TENM2: variants seen among roughly 807,000 people sequenced by gnomAD.
TENM2 encodes the protein teneurin transmembrane protein 2.
TENM2 carries 52 observed loss-of-function variants against 245.2 expected under a neutral mutation model. The ratio of observed to expected loss-of-function variants is 0.21; its 90% confidence interval spans 0.17 to 0.27. The LOEUF is 0.27. Among genes scored for constraint, TENM2 ranks in the 10% least tolerant of loss-of-function variants. The pLI is 1.00. For missense variants in TENM2, 3,046 were observed against 3,666.8 expected (o/e 0.83, Z 4.37); for synonymous variants, 1,363 against 1,438.9 (o/e 0.95, Z 1.19).
chr5:168,158,282 A>G (rs931178519), intron 12 of TENM2, among the ~76,000 whole-genome samples: 3 of 152,118 alleles, frequency 2.0e-5, no homozygotes, highest in African/African-American at 7.2e-5. Context: ...GTCCTTAAAA[A>G]TTCTCCCTGG....
At chr5:167,940,135 A>C (rs10475862) in intron 3 of TENM2, among the ~76,000 whole-genome samples, 13,911 of 152,134 alleles carry the variant, frequency 0.091, 1,223 homozygotes, top group African/African-American at 0.23. Flanking sequence ...TTCTTCTTGA[A>C]CTTTGATCAA....
intron 2 of TENM2, among the ~76,000 whole-genome samples, chr5:167,637,257 C>T (rs1038567490): frequency 6.6e-6 from 1 of 152,086 alleles, no homozygotes; most frequent in African/African-American, 2.4e-5. Flanking sequence ...GAATTATTTA[C>T]ATATTAACTT....
intron 2 of TENM2, among the ~76,000 whole-genome samples, chr5:167,729,316 C>T (rs887408627): frequency 4.6e-5 from 7 of 152,310 alleles, no homozygotes; most frequent in African/African-American, 1.7e-4. Flanking sequence ...GTTTTTATCA[C>T]AGAGCTAAAG....
the TENM2 span, among the ~76,000 whole-genome samples, chr5:167,125,650 C>T: frequency 6.6e-6 from 1 of 152,148 alleles, no homozygotes; most frequent in African/African-American, 2.4e-5. Flanking sequence ...ATATTCTATA[C>T]ATAGATATAT....
At chr5:167,421,168 C>A (rs1236026453) in intron 2 of TENM2, among the ~76,000 whole-genome samples, 3 of 152,182 alleles carry the variant, frequency 2.0e-5, no homozygotes, top group East Asian at 1.9e-4. Flanking sequence ...TCATATGGAA[C>A]AAAACCCCCA....
chr5:168,189,794 G>A (rs141648483), intron 13 of TENM2, among the ~76,000 whole-genome samples: 2 of 152,164 alleles, frequency 1.3e-5, no homozygotes, highest in Admixed American at 1.3e-4. Flanking sequence ...TTCTAATAGA[G>A]ACAGGGTCTC....
chr5:167,782,624 A>C (rs974737674), intron 2 of TENM2, among the ~76,000 whole-genome samples: 1 of 152,160 alleles, frequency 6.6e-6, no homozygotes, highest in Admixed American at 6.5e-5. Context: ...GGTTTTTGGC[A>C]CTTGGAGCAA....
intron 2 of TENM2, among the ~76,000 whole-genome samples, chr5:167,667,691 T>G (rs971549282): frequency 1.3e-4 from 20 of 152,180 alleles, no homozygotes; most frequent in African/African-American, 4.8e-4. Flanking sequence ...GAGGAGACAG[T>G]CGTCTCACTA....
At chr5:167,217,659 T>C in the TENM2 span, among the ~76,000 whole-genome samples, 1 of 150,610 alleles carries the variant, frequency 6.6e-6, no homozygotes, top group African/African-American at 2.4e-5. Context: ...TGGCATTGTT[T>C]ATTTGCATAT....
At chr5:167,660,464 C>CAAAAAAAAAAAAAA (rs749846307) in intron 2 of TENM2, 1 of 33,168 alleles carries the variant, frequency 3.0e-5, no homozygotes, top group African/African-American at 7.2e-5. Flanking sequence ...GGCTGTGTCT[C>CAAAAAAAAAAAAAA]AAAAAAAAAA....
At chr5:166,980,254 G>A in the TENM2 span, among the ~76,000 whole-genome samples, 1 of 152,280 alleles carries the variant, frequency 6.6e-6, no homozygotes, top group South Asian at 2.1e-4. Flanking sequence ...GAGAAAGAGG[G>A]AGATTGCTGG....
intron 2 of TENM2, among the ~76,000 whole-genome samples, chr5:167,669,159 T>G (rs1353962026): frequency 6.6e-6 from 1 of 152,140 alleles, no homozygotes; most frequent in Non-Finnish European, 1.5e-5. Flanking sequence ...CGGTTCTCAG[T>G]GTTTACATGC....
At chr5:167,323,580 G>C (rs1379745885) in intron 1 of TENM2, among the ~76,000 whole-genome samples, 1 of 152,024 alleles carries the variant, frequency 6.6e-6, no homozygotes, top group African/African-American at 2.4e-5. Flanking sequence ...AATAAAAATT[G>C]CATGTGCTAA....
At chr5:168,234,915 G>A (rs768014295) in intron 25 of TENM2, among the ~76,000 whole-genome samples, 2 of 152,222 alleles carry the variant, frequency 1.3e-5, no homozygotes, top group Non-Finnish European at 2.9e-5. Context: ...CCAAGAAGAA[G>A]TGGGAGTTAG....
chr5:167,300,828 C>T (rs543149447), intron 1 of TENM2, among the ~76,000 whole-genome samples: 1 of 152,112 alleles, frequency 6.6e-6, no homozygotes, highest in African/African-American at 2.4e-5. Flanking sequence ...CAGGAATAGT[C>T]AGGGAAGCCC....
chr5:167,397,097 G>T (rs11749309), intron 2 of TENM2, among the ~76,000 whole-genome samples: 27,323 of 152,064 alleles, frequency 0.18, 2,670 homozygotes, highest in South Asian at 0.28. Context: ...AGAGAAAGAA[G>T]AAACATTTTC....
intron 3 of TENM2, among the ~76,000 whole-genome samples, chr5:167,904,008 A>C (rs1437166516): frequency 6.6e-6 from 1 of 152,204 alleles, no homozygotes; most frequent in Non-Finnish European, 1.5e-5. Context: ...CTGTTATAGT[A>C]ATTCATCTGA....
At chr5:168,204,768 G>T in intron 19 of TENM2, 147 bp downstream of exon 21, 1 of 1,070,818 alleles carries the variant, frequency 9.3e-7, no homozygotes, top group Non-Finnish European at 1.3e-6. Context: ...CAAATAAGGA[G>T]GTGGGAAAAA....
chr5:168,209,825 A>G lies in TENM2; in HGVS notation c.3825-1909A>G, dbSNP rs367814650. Reference sequence around the variant, plus strand: ...TCTACTAAGTATCTGCAATTCAGAGATGACTGAGTCATGTCCTATTCACAA... The same window carrying G: ...TCTACTAAGTATCTGCAATTCAGAGGTGACTGAGTCATGTCCTATTCACAA... On this transcript the variant is annotated intron_variant, in intron 19 of 28. Transcript: ENST00000518659. Among the ~76,000 whole-genome samples, 5 of 152,194 alleles carry G rather than the reference A, an allele frequency of 3.3e-5. No individual in the cohort carries two copies. The East Asian group carries it at 9.6e-4, about 29-fold the overall frequency.
Sources: gnomAD v4.1 joint callset for allele counts (sites outside exome capture counted in the v4.1 genomes callset) on GRCh38, gnomAD v4.1.1 for gene constraint, MANE v1.5 for transcripts, NCBI Gene and HGNC (gene_info 2026-07-23, HGNC 2026-07-21) for gene names.